AEBP2: variants seen among roughly 807,000 people sequenced by gnomAD.
AEBP2 encodes the protein zinc finger protein AEBP2.
In AEBP2, 10 loss-of-function variants were observed where a neutral mutation model predicts 50.8. The observed-to-expected ratio is 0.20, with a 90% CI of 0.12 to 0.33. The LOEUF (loss-of-function observed/expected upper bound fraction) is 0.33, where lower values mean the gene tolerates loss of function less well. AEBP2 is among the 10% of genes least tolerant of loss of function. The pLI, the probability that AEBP2 is intolerant of heterozygous loss-of-function variation, is 1.00. For missense variants in AEBP2, 570 were observed against 688.0 expected, an observed-to-expected ratio of 0.83 and a Z score of 1.92; for synonymous variants, 296 against 261.3, an observed-to-expected ratio of 1.13 and a Z score of -1.28.
intron 1 of AEBP2, among the ~76,000 whole-genome samples, chr12:19,462,280 A>T (rs1948392912): frequency 6.6e-6 from 1 of 152,076 alleles, no homozygotes; most frequent in South Asian, 2.1e-4. Context: ...AAGTTGCTTA[A>T]ATTATTCCAT....
chr12:19,492,868 TG>T (rs1195195451), intron 3 of AEBP2, among the ~76,000 whole-genome samples: 1 of 151,990 alleles, frequency 6.6e-6, no homozygotes, highest in Non-Finnish European at 1.5e-5. Flanking sequence ...TACCACCACC[TG>T]GGAGGCTGAG....
intron 5 of AEBP2, among the ~76,000 whole-genome samples, chr12:19,503,814 G>A (rs1041349251): frequency 2.6e-5 from 4 of 151,776 alleles, no homozygotes; most frequent in South Asian, 4.2e-4. Context: ...GAGCCACCAC[G>A]CCCTACTGAT....
intron 1 of AEBP2, among the ~76,000 whole-genome samples, chr12:19,454,890 G>C (rs984036792): frequency 2.0e-5 from 3 of 152,074 alleles, no homozygotes; most frequent in Admixed American, 2.0e-4. Context: ...TTTGACCTCA[G>C]ACTGAATTTC....
intron 1 of AEBP2, among the ~76,000 whole-genome samples, chr12:19,427,699 A>AT (rs898111630): frequency 1.3e-5 from 2 of 151,946 alleles, no homozygotes; most frequent in East Asian, 1.9e-4. Flanking sequence ...TATTTTTATT[A>AT]TTTTTTTTAG....
chr12:19,510,865 C>CTTTTTTT (rs58870259), intron 5 of AEBP2, among the ~76,000 whole-genome samples: 4,360 of 88,890 alleles, frequency 0.049, 405 homozygotes, highest in Middle Eastern at 0.078. Context: ...AAGGTAGTGA[C>CTTTTTTT]TTTTTTTTTT....
intron 1 of AEBP2, among the ~76,000 whole-genome samples, chr12:19,441,003 A>G (rs1947947997): frequency 6.6e-6 from 1 of 152,240 alleles, no homozygotes; most frequent in South Asian, 2.1e-4. Flanking sequence ...AAAAAGTTTT[A>G]AACACGTATA....
intron 5 of AEBP2, among the ~76,000 whole-genome samples, chr12:19,503,943 C>G (rs1414932860): frequency 1.3e-5 from 2 of 151,792 alleles, no homozygotes; most frequent in African/African-American, 2.4e-5. Flanking sequence ...GAGATCCTCC[C>G]ACCTCAGTCT....
chr12:19,449,024 G>T (rs1948122572), intron 1 of AEBP2, among the ~76,000 whole-genome samples: 1 of 152,094 alleles, frequency 6.6e-6, no homozygotes, highest in African/African-American at 2.4e-5. Context: ...AAGAGTAGAT[G>T]AATTGGCAAT....
chr12:19,404,376 T>G (rs1031022505), intron 1 of AEBP2, among the ~76,000 whole-genome samples: 2 of 152,202 alleles, frequency 1.3e-5, no homozygotes, highest in Non-Finnish European at 2.9e-5. Flanking sequence ...GTTGCCCAGC[T>G]CTTTTAGGGC....
At chr12:19,513,921 G>T (rs1592786746) in intron 6 of AEBP2, among the ~76,000 whole-genome samples, 6 of 131,064 alleles carry the variant, frequency 4.6e-5, no homozygotes, top group Admixed American at 1.5e-4. Context: ...ATGGAGTTTA[G>T]TCTTACAGGG....
intron 2 of AEBP2, among the ~76,000 whole-genome samples, chr12:19,468,486 C>T (rs916232008): frequency 3.3e-5 from 5 of 152,164 alleles, no homozygotes; most frequent in Admixed American, 1.3e-4. Context: ...TGCATACTTA[C>T]TCTGACAGAT....
At chr12:19,514,635 T>C in intron 6 of AEBP2, 36 bp from the exon 7 acceptor site, 3 of 1,461,426 alleles carry the variant, frequency 2.1e-6, no homozygotes, top group Non-Finnish European at 2.8e-6. Context: ...CTAAAATTAA[T>C]GTTACTTTAT....
intron 3 of AEBP2, among the ~76,000 whole-genome samples, chr12:19,491,414 G>C: frequency 6.6e-6 from 1 of 152,220 alleles, no homozygotes; most frequent in African/African-American, 2.4e-5. Context: ...AGGCCTTACT[G>C]TACTCCTTTG....
intron 1 of AEBP2, among the ~76,000 whole-genome samples, chr12:19,416,946 C>G (rs1284776249): frequency 6.6e-6 from 1 of 150,900 alleles, no homozygotes; most frequent in Non-Finnish European, 1.5e-5. Context: ...ATCTTGGCTC[C>G]CTGCAACCTC....
chr12:19,501,736 G>A lies in AEBP2; in HGVS notation c.1299+1515G>A, dbSNP rs565771319. 2.0e-5 allele frequency among the ~76,000 whole-genome samples: 3 copies of A among 146,802 alleles called. No homozygotes were observed. The East Asian group carries it at 6.0e-4, about 30-fold the overall frequency. ...AATTGAAATACAAAAGGTCCTTATT[G>A]ATATCAATATGTTGTTTGGTTTGAA... is the stretch of plus-strand genomic sequence containing the variant. On this transcript the variant is annotated intron_variant, in intron 5 of 7. Transcript: ENST00000266508.
intron 3 of AEBP2, among the ~76,000 whole-genome samples, chr12:19,474,060 G>A (rs1165641001): frequency 6.6e-6 from 1 of 152,014 alleles, no homozygotes; most frequent in Non-Finnish European, 1.5e-5. Context: ...ATAAATTGTA[G>A]GACATTAAAG....
chr12:19,515,118 T>C (rs940562186), intron 7 of AEBP2, among the ~76,000 whole-genome samples: 1 of 152,110 alleles, frequency 6.6e-6, no homozygotes, highest in Non-Finnish European at 1.5e-5. Flanking sequence ...GACCTAAGAA[T>C]ATGTTGCATG....
In AEBP2 at chr12:19,462,915, TTTG is replaced by T. The variant is rs1948403959; in HGVS notation, c.879+201_879+203del. On this transcript the variant is annotated intron_variant, in intron 2 of 7. Transcript: ENST00000266508. ...AAATAGGGTATGTGCTGGATTTTAG[TTTG>T]TTTTTAGATACGTTATTTTGAAGAA... 2.0e-5 allele frequency among the ~76,000 whole-genome samples: 3 copies of T among 152,328 alleles called. No individual in the cohort carries two copies. In the South Asian group the frequency reaches 6.2e-4, roughly 32 times the overall value.
intron 2 of AEBP2, among the ~76,000 whole-genome samples, chr12:19,463,348 C>A (rs1032336248): frequency 6.6e-6 from 1 of 152,114 alleles, no homozygotes; most frequent in Admixed American, 6.5e-5. Context: ...AAGTAATGTG[C>A]CAAAATATTA....
Sources: allele counts gnomAD v4.1 joint callset (sites outside exome capture counted in the v4.1 genomes callset), GRCh38; gene constraint gnomAD v4.1.1; transcripts MANE v1.5; gene names NCBI Gene and HGNC (gene_info 2026-07-23, HGNC 2026-07-21).